SDCCAG8: variants seen among roughly 807,000 people sequenced by gnomAD.
SDCCAG8 encodes the protein SHH signaling and ciliogenesis regulator SDCCAG8, also known as serologically defined colon cancer antigen 8.
In SDCCAG8, 74 loss-of-function variants were observed where a neutral mutation model predicts 101.8. That is an observed-to-expected ratio of 0.73 (90% CI 0.60 to 0.88). The LOEUF is 0.88. Among genes scored for constraint, SDCCAG8 ranks in the 40% least tolerant of loss-of-function variants. The pLI, the probability that SDCCAG8 is intolerant of heterozygous loss-of-function variation, is 0.00. For synonymous variants in SDCCAG8, 281 were observed against 292.9 expected, an observed-to-expected ratio of 0.96 and a Z score of 0.41; for missense variants, 787 against 822.6, an observed-to-expected ratio of 0.96 and a Z score of 0.53.
chr1:243,488,175 G>A (rs1430998107), intron 16 of SDCCAG8: 1 of 152,306 alleles, frequency 6.6e-6, no homozygotes, highest in Non-Finnish European at 1.5e-5. Context: ...AGGAGAGCCC[G>A]GACTGAGGGC....
At chr1:243,407,401 G>A (rs561541473) in intron 13 of SDCCAG8, among the ~76,000 whole-genome samples, 1 of 152,308 alleles carries the variant, frequency 6.6e-6, no homozygotes, top group Non-Finnish European at 1.5e-5. Context: ...ATGTTATGAA[G>A]AATAGAGAGG....
chr1:243,485,067 C>A (rs1553378515), intron 16 of SDCCAG8, among the ~76,000 whole-genome samples: 2 of 146,742 alleles, frequency 1.4e-5, no homozygotes, highest in South Asian at 2.1e-4. Flanking sequence ...GAAGAAGAAG[C>A]AGAAGAAGAG....
At chr1:243,449,039 T>C (rs2148121141) in intron 16 of SDCCAG8, among the ~76,000 whole-genome samples, 1 of 152,342 alleles carries the variant, frequency 6.6e-6, no homozygotes, top group African/African-American at 2.4e-5. Flanking sequence ...CTAATTACTA[T>C]TATGAAGTAA....
At position 243,271,200 on chromosome 1, in the gene SDCCAG8, CT is replaced by C. The variant is rs920063546; in HGVS notation, c.306+138del. On this transcript the variant is annotated intron_variant, in intron 3 of 17. Transcript: ENST00000366541. Reference sequence around the variant, plus strand: ...AACATTAAAAGTAATTCTCTTCCCTCTGATTATTTTGGCTGAAAAAATAGAT... The same window carrying C: ...AACATTAAAAGTAATTCTCTTCCCTCGATTATTTTGGCTGAAAAAATAGAT... The C allele has an allele frequency of 1.2e-5, 8 of 669,086 alleles. No homozygotes were observed. In the African/African-American group the frequency reaches 1.3e-4, roughly 11 times the overall value. The allele number at this position is 669,086 out of a possible 1,614,324, so 41.4% of individuals were successfully genotyped here. A position where few individuals can be genotyped will look rare whatever the true frequency, so the allele number is the denominator to read the frequency against.
intron 16 of SDCCAG8, among the ~76,000 whole-genome samples, chr1:243,469,335 G>A (rs1305530990): frequency 6.6e-6 from 1 of 152,084 alleles, no homozygotes; most frequent in Non-Finnish European, 1.5e-5. Flanking sequence ...TGTATATGTA[G>A]CTACCTACAA....
intron 16 of SDCCAG8, among the ~76,000 whole-genome samples, chr1:243,475,479 C>A (rs1662224615): frequency 6.6e-6 from 1 of 152,110 alleles, no homozygotes; most frequent in African/African-American, 2.4e-5. Context: ...CTCAGGAAAT[C>A]TTAATGTGGG....
At chr1:243,430,420 C>T (rs995473081) in intron 16 of SDCCAG8, among the ~76,000 whole-genome samples, 4 of 151,968 alleles carry the variant, frequency 2.6e-5, no homozygotes, top group Admixed American at 1.3e-4. Context: ...AAGGCAGGGT[C>T]TTTATGTTTT....
chr1:243,302,501 A>G (rs2071619196), intron 6 of SDCCAG8, among the ~76,000 whole-genome samples: 1 of 152,152 alleles, frequency 6.6e-6, no homozygotes, highest in South Asian at 2.1e-4. Context: ...AACTCACGAG[A>G]CTTGAAGGGA....
chr1:243,283,916 G>A lies in SDCCAG8; in HGVS notation c.421-2356G>A, dbSNP rs550562899. Among the ~76,000 whole-genome samples the A allele has an allele frequency of 5.9e-4, 89 of 151,758 alleles. No individual in the cohort carries two copies. In the South Asian group the frequency reaches 0.018, roughly 31 times the overall value. ...CCACCACCCCCGGCTAGTTTTTTTTGCATTTTTAGTAGAGATGGGGTTTCA... is the reference window on the plus strand; with the variant it reads ...CCACCACCCCCGGCTAGTTTTTTTTACATTTTTAGTAGAGATGGGGTTTCA... On this transcript the variant is annotated intron_variant, in intron 4 of 17. Coordinates refer to ENST00000366541, the MANE Select transcript of SDCCAG8 (RefSeq NM_006642.5).
chr1:243,294,556 T>G (rs189198857), intron 6 of SDCCAG8, among the ~76,000 whole-genome samples: 32 of 108,978 alleles, frequency 2.9e-4, no homozygotes, highest in Admixed American at 2.4e-3. Context: ...CTTTTCAGAT[T>G]GGGTCTGTGC....
At chr1:243,322,001 A>G (rs1020538351) in intron 9 of SDCCAG8, among the ~76,000 whole-genome samples, 1 of 152,252 alleles carries the variant, frequency 6.6e-6, no homozygotes, top group South Asian at 2.1e-4. Context: ...GAGTTGATGT[A>G]TCTTTTTGGT....
chr1:243,344,746 AATTG>A (rs1172468293), intron 12 of SDCCAG8, among the ~76,000 whole-genome samples: 1 of 152,218 alleles, frequency 6.6e-6, no homozygotes, highest in African/African-American at 2.4e-5. Flanking sequence ...ATGTCAATCA[AATTG>A]ATTGTTGGCA....
Position 243,316,711 on chromosome 1 carries a change from C to T in SDCCAG8, c.930-44C>T, listed in dbSNP as rs1361059271. ...TCTCCCTGACTTATGAGGACAGGAT[C>T]GTTTGATCATTTCTTGTTTTGAATG... On this transcript the variant is annotated intron_variant, in intron 8 of 17. Coordinates refer to ENST00000366541, the MANE Select transcript of SDCCAG8 (RefSeq NM_006642.5). 9 of 1,612,476 alleles carry T rather than the reference C, an allele frequency of 5.6e-6. No homozygotes were observed. In the East Asian group the frequency reaches 1.1e-4, roughly 20 times the overall value.
At chr1:243,405,582 A>T (rs1188680552) in intron 13 of SDCCAG8, among the ~76,000 whole-genome samples, 1 of 152,216 alleles carries the variant, frequency 6.6e-6, no homozygotes, top group Non-Finnish European at 1.5e-5. Flanking sequence ...CTTGTTTTAA[A>T]TTATGAACCT....
chr1:243,413,720 G>A (rs2080352805), intron 13 of SDCCAG8, among the ~76,000 whole-genome samples: 1 of 152,148 alleles, frequency 6.6e-6, no homozygotes, highest in African/African-American at 2.4e-5. Context: ...AATTGTTAGG[G>A]GTTGCAGAGC....
intron 4 of SDCCAG8, among the ~76,000 whole-genome samples, chr1:243,284,187 A>G (rs1271306098): frequency 1.3e-5 from 2 of 152,228 alleles, no homozygotes; most frequent in African/African-American, 4.8e-5. Context: ...AATGCTGGAC[A>G]TGACATATTT....
At chr1:243,410,104 C>CCAAG (rs2147998548) in intron 13 of SDCCAG8, among the ~76,000 whole-genome samples, 1 of 152,282 alleles carries the variant, frequency 6.6e-6, no homozygotes, top group African/African-American at 2.4e-5. Flanking sequence ...TTTGCTGAGT[C>CCAAG]TGACTTGTAC....
intron 17 of SDCCAG8, among the ~76,000 whole-genome samples, chr1:243,497,704 C>A (rs189423210): frequency 2.0e-5 from 3 of 152,296 alleles, no homozygotes; most frequent in Admixed American, 6.5e-5. Flanking sequence ...GGTCTTTACG[C>A]CTATTCTGTA....
chr1:243,467,123 T>C (rs1660310067), intron 16 of SDCCAG8, among the ~76,000 whole-genome samples: 1 of 152,232 alleles, frequency 6.6e-6, no homozygotes, highest in Non-Finnish European at 1.5e-5. Flanking sequence ...CACAACCTAT[T>C]GTGCGTAGAC....
Sources: allele counts gnomAD v4.1 joint callset (sites outside exome capture counted in the v4.1 genomes callset), GRCh38; gene constraint gnomAD v4.1.1; transcripts MANE v1.5; gene names NCBI Gene and HGNC (gene_info 2026-07-23, HGNC 2026-07-21).